The following STAT4 variants were observed in gnomAD, a reference collection of about 807,000 sequenced individuals.
The protein encoded by STAT4 is signal transducer and activator of transcription 4.
Under a neutral mutation model 110.5 loss-of-function variants are expected in STAT4, and 42 were observed. The ratio of observed to expected loss-of-function variants is 0.38; its 90% CI spans 0.30 to 0.49. The LOEUF (loss-of-function observed/expected upper bound fraction) is 0.49, where lower values mean the gene tolerates loss of function less well. Ranked by LOEUF, STAT4 falls within the 20% of genes least tolerant of loss-of-function variation. The pLI is 0.95. For synonymous variants in STAT4, 284 were observed against 302.2 expected, an observed-to-expected ratio of 0.94 and a Z score of 0.63; for missense variants, 632 against 887.9, an observed-to-expected ratio of 0.71 and a Z score of 3.66.
At chr2:191,057,255 A>T (rs1696724036) in intron 13 of STAT4, among the ~76,000 whole-genome samples, 1 of 152,212 alleles carries the variant, frequency 6.6e-6, no homozygotes, top group Admixed American at 6.5e-5. Flanking sequence ...CATGAGTGAG[A>T]ACATGAAATA....
At chr2:191,069,014 T>C (rs892031491) in intron 6 of STAT4, among the ~76,000 whole-genome samples, 6 of 152,068 alleles carry the variant, frequency 3.9e-5, no homozygotes, top group African/African-American at 1.4e-4. Flanking sequence ...TGAAATTATG[T>C]TTTTGGAGAC....
At chr2:191,145,236 A>T (rs1033624327) in intron 3 of STAT4, among the ~76,000 whole-genome samples, 1 of 152,198 alleles carries the variant, frequency 6.6e-6, no homozygotes, top group Admixed American at 6.5e-5. Context: ...TATGTAAACC[A>T]ACGAGTGTGG....
chr2:191,075,583 A>G (rs1697291181), intron 4 of STAT4, among the ~76,000 whole-genome samples: 2 of 152,198 alleles, frequency 1.3e-5, no homozygotes, highest in Admixed American at 6.5e-5. Context: ...GGTGATTACT[A>G]TATTTCTAGG....
At position 191,062,869 on chromosome 2, in the gene STAT4, T is replaced by C. The variant is rs748998598; in HGVS notation, c.834A>G (p.Lys278=). The change falls in exon 9 of 24, where the codon AAA becomes AAG. Residue 278 remains lysine (K), a synonymous_variant. Coordinates refer to ENST00000392320, the MANE Select transcript of STAT4 (RefSeq NM_003151.4). The surrounding 1 kb of genome is among the most constrained non-coding windows in gnomAD (Gnocchi z 4.9). ...TCATTTTGGTAGATTGCTCCTCTAG[T>C]TTCTCCAATTGCCTTCTCAGTTGGA... ...SLFQLRRQLE[K]LEEQSTKMTY... The C allele has an allele frequency of 3.7e-6, 6 of 1,613,816 alleles. No individual in the cohort carries two copies. Among genetic ancestry groups the C allele is most frequent in the Non-Finnish European group, 5.1e-6 (6 of 1,179,906 alleles).
chr2:191,093,168 T>G (rs1697853019), intron 3 of STAT4, among the ~76,000 whole-genome samples: 1 of 152,188 alleles, frequency 6.6e-6, no homozygotes, highest in East Asian at 1.9e-4. Context: ...TGAACAACCC[T>G]GTCTGACAGC....
Position 191,110,656 on chromosome 2 carries a change from C to T in STAT4, c.274-34331G>A, listed in dbSNP as rs901379601. Among the ~76,000 whole-genome samples, 1 of 152,172 alleles carries T rather than the reference C, an allele frequency of 6.6e-6. No homozygotes were observed. Among genetic ancestry groups the T allele is most frequent in the African/African-American group, 2.4e-5 (1 of 41,504 alleles). ...GTATCCAAGATGGGGAATTTATTGG[C>T]CACTTATAACTATATTGCCAAGGAG... On this transcript the variant is annotated intron_variant, in intron 3 of 23. Coordinates refer to ENST00000392320, the MANE Select transcript of STAT4 (RefSeq NM_003151.4). This position sits in a 1 kb window ranked among gnomAD's most constrained non-coding sequence, Gnocchi z 4.5.
intron 3 of STAT4, among the ~76,000 whole-genome samples, chr2:191,132,164 G>C (rs1270427125): frequency 6.6e-6 from 1 of 151,722 alleles, no homozygotes. Flanking sequence ...CTAGTAAGTT[G>C]TTCGATCCTA....
rs1438288826 is a variant in STAT4, at chr2:191,077,459, A to G, written c.274-1134T>C. Reference sequence around the variant, plus strand: ...GGATTAACAGGAAGCACAGTAGAAAAATGCATTTATTTAGTTTCCCTCAGC... The same window carrying G: ...GGATTAACAGGAAGCACAGTAGAAAGATGCATTTATTTAGTTTCCCTCAGC... On this transcript the variant is annotated intron_variant, in intron 3 of 23. Transcript: ENST00000392320. The surrounding 1 kb of genome is among the most constrained non-coding windows in gnomAD (Gnocchi z 4.1). 6.6e-6 allele frequency among the ~76,000 whole-genome samples: 1 copy of G among 152,212 alleles called. No individual in the cohort carries two copies. Among genetic ancestry groups the G allele is most frequent in the Non-Finnish European group, 1.5e-5 (1 of 68,042 alleles).
chr2:191,122,703 ACATTAAACAG>A (rs1332035208), intron 3 of STAT4, among the ~76,000 whole-genome samples: 2 of 152,254 alleles, frequency 1.3e-5, no homozygotes, highest in Non-Finnish European at 2.9e-5. Context: ...AGAAAAATAC[ACATTAAACAG>A]CATGGATAAA....
rs578252857 is a variant in STAT4 at position 191,086,294 on chromosome 2, C to T, written c.274-9969G>A. ...AAAGATTGTCACTTTCTGACAGGCC[C>T]GGGAACCTCATAGGACCTCAAGAAG... On this transcript the variant is annotated intron_variant, in intron 3 of 23. Transcript: ENST00000392320. The surrounding 1 kb of genome is among the most constrained non-coding windows in gnomAD (Gnocchi z 5.5). 1.2e-4 allele frequency among the ~76,000 whole-genome samples: 19 copies of T among 152,188 alleles called. No individual in the cohort carries two copies. In the East Asian group the frequency reaches 3.7e-3, roughly 29 times the overall value.
intron 3 of STAT4, among the ~76,000 whole-genome samples, chr2:191,081,955 C>G (rs1697494665): frequency 6.6e-6 from 1 of 152,092 alleles, no homozygotes; most frequent in South Asian, 2.1e-4. Flanking sequence ...GTACCCTGCT[C>G]AGTCAGCAGG....
chr2:191,108,751 C>A (rs146650249), intron 3 of STAT4, among the ~76,000 whole-genome samples: 1 of 152,172 alleles, frequency 6.6e-6, no homozygotes, highest in African/African-American at 2.4e-5. Flanking sequence ...TTGGGCCTGA[C>A]GGATTTAAAC....
chr2:191,115,332 C>A (rs151023110), intron 3 of STAT4, among the ~76,000 whole-genome samples: 349 of 152,170 alleles, frequency 2.3e-3, no homozygotes, highest in African/African-American at 8.1e-3. Context: ...ATGAACAAAG[C>A]TATTGTTCAA....
At chr2:191,049,016 A>G (rs962847851) in intron 14 of STAT4, among the ~76,000 whole-genome samples, 1 of 151,874 alleles carries the variant, frequency 6.6e-6, no homozygotes, top group Non-Finnish European at 1.5e-5. Flanking sequence ...AGAAAACTGG[A>G]CAACCAACTT....
intron 3 of STAT4, among the ~76,000 whole-genome samples, chr2:191,088,202 A>T (rs1199350764): frequency 6.6e-6 from 1 of 152,220 alleles, no homozygotes; most frequent in Non-Finnish European, 1.5e-5. Context: ...CCTGGAACTA[A>T]TAAGCCATTA....
At position 191,112,910 on chromosome 2, in the gene STAT4, T is replaced by A. The variant is rs891484334; in HGVS notation, c.273+33703A>T. ...GTTCAGTCCTATAATAGAGCAAATATATTAAGAAAAAGAATCTTTTAGCCC... is the reference window on the plus strand; with the variant it reads ...GTTCAGTCCTATAATAGAGCAAATAAATTAAGAAAAAGAATCTTTTAGCCC... On this transcript the variant is annotated intron_variant, in intron 3 of 23. Transcript: ENST00000392320. This position sits in a 1 kb window ranked among gnomAD's most constrained non-coding sequence, Gnocchi z 4.3. Among the ~76,000 whole-genome samples the A allele has an allele frequency of 6.6e-6, 1 of 152,216 alleles. No individual in the cohort carries two copies. The highest frequency in any genetic ancestry group is 6.6e-5 in the Admixed American group (1 of 15,264).
chr2:191,134,492 C>T (rs1461499917), intron 3 of STAT4, among the ~76,000 whole-genome samples: 1 of 152,174 alleles, frequency 6.6e-6, no homozygotes, highest in African/African-American at 2.4e-5. Flanking sequence ...TAAATACTGG[C>T]CCACCTGGTG....
At position 191,138,772 on chromosome 2, in the gene STAT4, C is replaced by T. The variant is rs1352269074; in HGVS notation, c.273+7841G>A. The stretch of plus-strand genomic sequence containing the variant: ...AATCATTCCATGAAGCCAGTATCAC[C>T]CTAATACCAAAACCAGGAAAGGGCA... On this transcript the variant is annotated intron_variant, in intron 3 of 23. Coordinates refer to ENST00000392320, the MANE Select transcript of STAT4 (RefSeq NM_003151.4). This position sits in a 1 kb window ranked among gnomAD's most constrained non-coding sequence, Gnocchi z 4.3. 6.6e-6 allele frequency among the ~76,000 whole-genome samples: 1 copy of T among 152,050 alleles called. No homozygotes were observed. The highest frequency in any genetic ancestry group is 1.5e-5 in the Non-Finnish European group (1 of 67,996).
chr2:191,089,267 A>G (rs1697725910), intron 3 of STAT4, among the ~76,000 whole-genome samples: 1 of 152,218 alleles, frequency 6.6e-6, no homozygotes, highest in Admixed American at 6.5e-5. Context: ...ATGTCTCACC[A>G]AAGAAGATAT....
Sources: allele counts gnomAD v4.1 joint callset (sites outside exome capture counted in the v4.1 genomes callset), GRCh38; gene constraint gnomAD v4.1.1; non-coding constraint Gnocchi (gnomAD v3.1); transcripts MANE v1.5; gene names NCBI Gene and HGNC (gene_info 2026-07-23, HGNC 2026-07-21).